Variants in GABRG1 observed in about 807,000 individuals in gnomAD.
GABRG1 encodes the protein gamma-aminobutyric acid type A receptor subunit gamma1.
Under a neutral mutation model 49.8 loss-of-function variants are expected in GABRG1, and 49 were observed. That is an observed-to-expected ratio of 0.98 (90% CI 0.78 to 1.25). GABRG1 has a LOEUF of 1.25. Ranked by LOEUF, GABRG1 falls within the 50% of genes most tolerant of loss-of-function variation. GABRG1 has a pLI of 0.00. For missense variants in GABRG1, 552 were observed against 552.3 expected, an observed-to-expected ratio of 1.00 and a Z score of 0.01; for synonymous variants, 232 against 185.1, an observed-to-expected ratio of 1.25 and a Z score of -2.06.
chr4:46,078,800 G>T (rs916141996), intron 3 of GABRG1, among the ~76,000 whole-genome samples: 1 of 151,822 alleles, frequency 6.6e-6, no homozygotes, highest in South Asian at 2.1e-4. Context: ...TGAATATTTT[G>T]AATTTTTATA....
chr4:46,056,142 T>TAAAAA (rs1212876586), intron 7 of GABRG1, among the ~76,000 whole-genome samples: 1 of 5,742 alleles, frequency 1.7e-4, no homozygotes, highest in Non-Finnish European at 2.7e-4. Flanking sequence ...AAAAAATAAA[T>TAAAAA]AAATAAATTA....
At chr4:46,111,790 G>A (rs755342488) in intron 1 of GABRG1, among the ~76,000 whole-genome samples, 12 of 151,328 alleles carry the variant, frequency 7.9e-5, no homozygotes, top group Admixed American at 3.3e-4. Context: ...CTAGCCATAC[G>A]AAGAAGACTG....
At chr4:46,116,200 A>C (rs1720880833) in intron 1 of GABRG1, among the ~76,000 whole-genome samples, 1 of 150,874 alleles carries the variant, frequency 6.6e-6, no homozygotes, top group Non-Finnish European at 1.5e-5. Flanking sequence ...AATGCCCAGA[A>C]ATTGTAAATG....
At chr4:46,114,778 T>A (rs1405398010) in intron 1 of GABRG1, among the ~76,000 whole-genome samples, 1 of 151,008 alleles carries the variant, frequency 6.6e-6, no homozygotes, top group African/African-American at 2.4e-5. Flanking sequence ...TAACCTAACA[T>A]AAAGCTAATT....
chr4:46,082,893 C>G (rs950185004), intron 3 of GABRG1, among the ~76,000 whole-genome samples: 2 of 151,758 alleles, frequency 1.3e-5, no homozygotes, highest in African/African-American at 4.8e-5. Flanking sequence ...TCTTCTTAAT[C>G]TGAATCTTCT....
chr4:46,103,699 T>C (rs973391203), intron 1 of GABRG1, among the ~76,000 whole-genome samples: 2 of 151,398 alleles, frequency 1.3e-5, no homozygotes, highest in Admixed American at 1.3e-4. Context: ...ATTATTCTTG[T>C]CATTTGAATG....
At chr4:46,121,652 A>G (rs774385408) in intron 1 of GABRG1, among the ~76,000 whole-genome samples, 1 of 132,010 alleles carries the variant, frequency 7.6e-6, no homozygotes, top group Non-Finnish European at 1.5e-5. Context: ...AAGCATGCTT[A>G]CATTTGCCTT....
At chr4:46,060,540 T>C (rs1177189419) in intron 5 of GABRG1, among the ~76,000 whole-genome samples, 1 of 152,164 alleles carries the variant, frequency 6.6e-6, no homozygotes, top group Non-Finnish European at 1.5e-5. Context: ...AATATTTTAA[T>C]GGTATAAAAT....
chr4:46,122,433 C>T (rs1383549962), intron 1 of GABRG1, among the ~76,000 whole-genome samples: 2 of 151,616 alleles, frequency 1.3e-5, no homozygotes, highest in Non-Finnish European at 2.9e-5. Flanking sequence ...ATAATATATT[C>T]AAAGAATAAG....
rs1161652523 is a variant in GABRG1 at position 46,039,187 on chromosome 4, T to C, written c.*1801A>G. 3 of 151,706 alleles carry C rather than the reference T, an allele frequency of 2.0e-5. No homozygotes were observed. Among genetic ancestry groups the C allele is most frequent in the Non-Finnish European group, 4.4e-5 (3 of 67,736 alleles). 9.4% of individuals were successfully genotyped at this position (151,706 alleles called of 1,614,324 possible). On this transcript the variant is annotated 3_prime_UTR_variant, in exon 9 of 9. Coordinates refer to ENST00000295452, the MANE Select transcript of GABRG1 (RefSeq NM_173536.4). Reference sequence around the variant, plus strand: ...CAGTACTCAATGTTATTAAAATGAATGTATGAATAATCTGTAAATGAATAT... The same window carrying C: ...CAGTACTCAATGTTATTAAAATGAACGTATGAATAATCTGTAAATGAATAT...
chr4:46,078,810 A>G (rs1414464067), intron 3 of GABRG1, among the ~76,000 whole-genome samples: 1 of 152,000 alleles, frequency 6.6e-6, no homozygotes, highest in Non-Finnish European at 1.5e-5. Context: ...GAATTTTTAT[A>G]AAACAAATTA....
chr4:46,050,452 A>G (rs1718171264), intron 8 of GABRG1, among the ~76,000 whole-genome samples: 1 of 151,902 alleles, frequency 6.6e-6, no homozygotes, highest in African/African-American at 2.4e-5. Flanking sequence ...GTTAGATAAT[A>G]TGGAAAACTC....
intron 1 of GABRG1, among the ~76,000 whole-genome samples, chr4:46,102,959 CA>C (rs1435642052): frequency 6.6e-6 from 1 of 151,656 alleles, no homozygotes; most frequent in East Asian, 2.0e-4. Context: ...GTAAATTAAA[CA>C]TTCATTGAGG....
chr4:46,092,363 C>A (rs1720020184), intron 2 of GABRG1, among the ~76,000 whole-genome samples: 1 of 151,878 alleles, frequency 6.6e-6, no homozygotes, highest in South Asian at 2.1e-4. Flanking sequence ...TTTGAAATTT[C>A]TTTGAATTAT....
chr4:46,112,020 A>C lies in GABRG1; in HGVS notation c.104+11790T>G, dbSNP rs374068450. On this transcript the variant is annotated intron_variant, in intron 1 of 8. Transcript: ENST00000295452. ...CCTTATTAAACTGAAGAGCTTCTGC[A>C]GAGCAAAAACAACTGTCAAGGAGTA... is the stretch of plus-strand genomic sequence containing the variant. Among the ~76,000 whole-genome samples the C allele has an allele frequency of 5.3e-5, 8 of 151,316 alleles. No homozygotes were observed. In the East Asian group the frequency reaches 7.8e-4, roughly 15 times the overall value.
chr4:46,121,511 C>G (rs1156812051), intron 1 of GABRG1, among the ~76,000 whole-genome samples: 1 of 151,944 alleles, frequency 6.6e-6, no homozygotes, highest in African/African-American at 2.4e-5. Flanking sequence ...TATTTCCCAA[C>G]TTGGTCTCAT....
chr4:46,079,735 T>C (rs984663183), intron 3 of GABRG1, among the ~76,000 whole-genome samples: 20 of 151,904 alleles, frequency 1.3e-4, no homozygotes, highest in African/African-American at 4.8e-4. Context: ...CTGGAGCTTT[T>C]ACCAATTTTG....
intron 5 of GABRG1, among the ~76,000 whole-genome samples, chr4:46,061,939 A>T (rs1447183748): frequency 6.6e-6 from 1 of 151,062 alleles, no homozygotes; most frequent in South Asian, 2.1e-4. Context: ...GGTTAGTTAC[A>T]TATGTATACA....
chr4:46,064,223 GA>G lies in GABRG1; in HGVS notation c.625+217del, dbSNP rs1315239557. Among the ~76,000 whole-genome samples, 5 of 151,834 alleles carry G rather than the reference GA, an allele frequency of 3.3e-5. No individual in the cohort carries two copies. The East Asian group carries it at 9.7e-4, about 29-fold the overall frequency. On this transcript the variant is annotated intron_variant, in intron 5 of 8. Transcript: ENST00000295452. The stretch of plus-strand genomic sequence containing the variant: ...TTGGAATAAAATTAAAAGTTATAAA[GA>G]ATGTTTTAATAAAATATATGCATTC...
Sources: gnomAD v4.1 joint callset for allele counts (sites outside exome capture counted in the v4.1 genomes callset) on GRCh38, gnomAD v4.1.1 for gene constraint, MANE v1.5 for transcripts, NCBI Gene and HGNC (gene_info 2026-07-23, HGNC 2026-07-21) for gene names.